MTCL2: variants seen among roughly 807,000 people sequenced by gnomAD.
MTCL2 encodes the protein microtubule crosslinking factor 2.
the MTCL2 span, chr20:36,783,562 GA>G: frequency 5.9e-6 from 1 of 168,642 alleles, no homozygotes. Context: ...TGGAGATGGG[GA>G]AAACAGAAAG....
the MTCL2 span, among the ~76,000 whole-genome samples, chr20:36,801,938 T>C: frequency 6.6e-6 from 1 of 151,206 alleles, no homozygotes; most frequent in Non-Finnish European, 1.5e-5. Context: ...TACTCCAGCC[T>C]GGGCGACAGA....
the MTCL2 span, among the ~76,000 whole-genome samples, chr20:36,841,874 G>GGTGTGTGTGTGTGTGTGTGT: frequency 1.9e-4 from 21 of 110,862 alleles, no homozygotes; most frequent in African/African-American, 4.8e-4. Context: ...TGGGGGGTGG[G>GGTGTGTGTGTGTGTGTGTGT]GTGTGTGTGT....
At chr20:36,855,560 T>C in the MTCL2 span, among the ~76,000 whole-genome samples, 3 of 152,146 alleles carry the variant, frequency 2.0e-5, no homozygotes, top group African/African-American at 4.8e-5. Flanking sequence ...AGGTCATGCA[T>C]GTGGGGACTA....
the MTCL2 span, among the ~76,000 whole-genome samples, chr20:36,809,320 A>G: frequency 4.2e-3 from 633 of 152,310 alleles, 6 homozygotes; most frequent in African/African-American, 0.014. Flanking sequence ...TAGAAAGTGC[A>G]TTGGACAGGC....
the MTCL2 span, among the ~76,000 whole-genome samples, chr20:36,855,049 C>T: frequency 6.6e-6 from 1 of 152,182 alleles, no homozygotes; most frequent in Admixed American, 6.5e-5. Flanking sequence ...CAGAGCCAAG[C>T]ACAGCCCCTG....
chr20:36,793,931 C>A, the MTCL2 span: 12 of 1,551,452 alleles, frequency 7.7e-6, no homozygotes, highest in African/African-American at 1.2e-4. The surrounding 1 kb of genome is among the most constrained non-coding windows in gnomAD (Gnocchi z 6.8). Context: ...GCTGACCGTG[C>A]GGATGGTCTG....
At chr20:36,785,892 C>T in the MTCL2 span, 58 of 985,956 alleles carry the variant, frequency 5.9e-5, no homozygotes, top group Non-Finnish European at 6.9e-5. Flanking sequence ...TGGCTACTGC[C>T]CTATCATACT....
At chr20:36,786,250 C>G in the MTCL2 span, 5 of 1,208,936 alleles carry the variant, frequency 4.1e-6, no homozygotes, top group African/African-American at 7.7e-5. Flanking sequence ...GGTTTGGTCT[C>G]TCTCCCACTC....
the MTCL2 span, chr20:36,829,350 G>A: frequency 3.1e-5 from 26 of 845,638 alleles, no homozygotes; most frequent in African/African-American, 4.5e-4. Flanking sequence ...CCACGCTGCA[G>A]ATGAGCAAAC....
the MTCL2 span, among the ~76,000 whole-genome samples, chr20:36,803,617 T>G: frequency 6.7e-6 from 1 of 149,182 alleles, no homozygotes; most frequent in African/African-American, 2.5e-5. Context: ...GAGGGGAGAG[T>G]AGTGGCCCCA....
the MTCL2 span, among the ~76,000 whole-genome samples, chr20:36,839,620 A>G: frequency 3.3e-5 from 5 of 152,218 alleles, no homozygotes; most frequent in East Asian, 3.8e-4. The surrounding 1 kb of genome is among the most constrained non-coding windows in gnomAD (Gnocchi z 5.1). Context: ...GTTGCCTTAC[A>G]TGGCAAAAGA....
At chr20:36,861,049 G>T in the MTCL2 span, among the ~76,000 whole-genome samples, 2 of 152,192 alleles carry the variant, frequency 1.3e-5, no homozygotes. Flanking sequence ...TAGGAGCCCT[G>T]AAGCAAAGCT....
At chr20:36,795,465 T>G in the MTCL2 span, among the ~76,000 whole-genome samples, 4 of 151,140 alleles carry the variant, frequency 2.6e-5, no homozygotes, top group South Asian at 4.2e-4. Context: ...TATCTGATGG[T>G]TTTTTTTTCT....
the MTCL2 span, among the ~76,000 whole-genome samples, chr20:36,845,816 CAG>C: frequency 5.7e-3 from 866 of 152,154 alleles, 12 homozygotes; most frequent in African/African-American, 0.019. Context: ...TCTCCAGTGA[CAG>C]ATCCAACTGA....
the MTCL2 span, among the ~76,000 whole-genome samples, chr20:36,806,447 A>G: frequency 6.6e-6 from 1 of 152,146 alleles, no homozygotes. Context: ...GATTATGTTT[A>G]TATCTTATTA....
the MTCL2 span, among the ~76,000 whole-genome samples, chr20:36,847,280 T>A: frequency 1.3e-5 from 2 of 152,342 alleles, no homozygotes; most frequent in Non-Finnish European, 2.9e-5. Context: ...GTTCAGCTAT[T>A]CCCTCTGCTA....
chr20:36,853,910 C>T, the MTCL2 span, among the ~76,000 whole-genome samples: 4 of 152,200 alleles, frequency 2.6e-5, no homozygotes, highest in Non-Finnish European at 5.9e-5. Context: ...TCCTCCCATC[C>T]TTTCCATGTG....
At chr20:36,795,777 AAAAAAAAACAAAAAC>A in the MTCL2 span, among the ~76,000 whole-genome samples, 264 of 151,684 alleles carry the variant, frequency 1.7e-3, no homozygotes, top group Middle Eastern at 0.01. Context: ...CTCTGCCTCA[AAAAAAAAACAAAAAC>A]AAAAAAAACA....
At chr20:36,839,435 T>C in the MTCL2 span, 41 of 1,612,924 alleles carry the variant, frequency 2.5e-5, no homozygotes, top group African/African-American at 4.5e-4. This position sits in a 1 kb window ranked among gnomAD's most constrained non-coding sequence, Gnocchi z 5.1. Context: ...AGCTCCTCAA[T>C]CTCGTCCTGC....
Sources: gnomAD v4.1 joint callset for allele counts (sites outside exome capture counted in the v4.1 genomes callset) on GRCh38, gnomAD v4.1.1 for gene constraint, Gnocchi (gnomAD v3.1) non-coding constraint, MANE v1.5 for transcripts, NCBI Gene and HGNC (gene_info 2026-07-23, HGNC 2026-07-21) for gene names.